Variants in P3R3URF observed in about 807,000 individuals in gnomAD.
P3R3URF encodes the protein P3R3URF protein.
Under a neutral mutation model 8.0 loss-of-function variants are expected in P3R3URF, and 6 were observed. That is an observed-to-expected ratio of 0.75 (90% CI 0.41 to 1.47). The LOEUF (loss-of-function observed/expected upper bound fraction) is 1.47, where lower values mean the gene tolerates loss of function less well. Ranked by LOEUF, P3R3URF falls within the 40% of genes most tolerant of loss-of-function variation. P3R3URF has a pLI of 0.01. For missense variants in P3R3URF, 121 were observed against 117.3 expected, an observed-to-expected ratio of 1.03 and a Z score of -0.14; for synonymous variants, 39 against 36.7, an observed-to-expected ratio of 1.06 and a Z score of -0.23.
At position 46,176,338 on chromosome 1, in the gene P3R3URF, C is replaced by G; in HGVS notation, c.134G>C (p.Gly45Ala). The G allele has an allele frequency of 6.5e-7, 1 of 1,535,774 alleles. No individual in the cohort carries two copies. The highest frequency in any genetic ancestry group is 1.7e-4 in the Middle Eastern group (1 of 5,990). ...ACTGCTGGCAGTTCGACCTCGGAGACCCTGTTGATATCTTCTGCGGCTACA... is the reference window on the plus strand; with the variant it reads ...ACTGCTGGCAGTTCGACCTCGGAGAGCCTGTTGATATCTTCTGCGGCTACA... ...FKCSRRRYQQ[G>A]LRGRTASSAA... Residue 45 changes from glycine (G) to alanine (A), a missense_variant, in exon 1 of 2, where the codon GGT (glycine) becomes GCT (alanine). By Grantham distance (60) the Gly-to-Ala change is moderately conservative. Coordinates refer to ENST00000506599, the MANE Select transcript of P3R3URF (RefSeq NM_001328655.2).
chr1:46,176,067 GGA>G (rs1657141743), intron 1 of P3R3URF, among the ~76,000 whole-genome samples, 159 bp downstream of exon 1: 1 of 152,120 alleles, frequency 6.6e-6, no homozygotes, highest in East Asian at 1.9e-4. Flanking sequence ...AGTAGAGATG[GGA>G]TTTCACCGTG....
Position 46,176,438 on chromosome 1 carries a change from G to A in P3R3URF, c.34C>T (p.Pro12Ser). The A allele has an allele frequency of 2.6e-6, 4 of 1,535,756 alleles. No homozygotes were observed. Among genetic ancestry groups the A allele is most frequent in the Non-Finnish European group, 3.5e-6 (4 of 1,146,910 alleles). Residue 12 changes from proline (P) to serine (S), a missense_variant, in exon 1 of 2, where the codon CCC becomes TCC. Physicochemically the swap from Pro to Ser is moderately conservative, Grantham distance 74. Coordinates refer to ENST00000506599, the MANE Select transcript of P3R3URF (RefSeq NM_001328655.2). The part of the protein sequence containing the change: ...GPSRLVRGPR[P>S]QGMRSPYRRP... The stretch of plus-strand genomic sequence containing the variant: ...CGGTAGGGGGAACGCATGCCCTGGG[G>A]CCGAGGGCCACGGACAAGCCGAGAT...
At position 46,176,241 on chromosome 1, in the gene P3R3URF, G is replaced by T; in HGVS notation, c.231C>A (p.Ile77=). The T allele has an allele frequency of 6.5e-7, 1 of 1,535,734 alleles. No homozygotes were observed. The highest frequency in any genetic ancestry group is 1.2e-5 in the South Asian group (1 of 84,066). Residue 77 remains isoleucine, a synonymous_variant, in exon 1 of 2, where the codon ATC becomes ATA. Coordinates refer to ENST00000506599, the MANE Select transcript of P3R3URF (RefSeq NM_001328655.2). ...NTHTDTTIVW[I]FPPQVLRHLR... ...CCCCTGGCTAACCTTGAGGTGGGAA[G>T]ATCCACACTATGGTGGTGTCAGTGT... is the stretch of plus-strand genomic sequence containing the variant.
chr1:46,176,138 G>C, intron 1 of P3R3URF, 90 bp downstream of exon 1: 1 of 1,444,848 alleles, frequency 6.9e-7, no homozygotes, highest in Non-Finnish European at 9.3e-7. Context: ...GCCTCCCAAA[G>C]TGCCGGGATT....
At chr1:46,176,152 G>A in intron 1 of P3R3URF, 76 bp downstream of exon 1, 2 of 1,498,828 alleles carry the variant, frequency 1.3e-6, no homozygotes, top group African/African-American at 1.4e-5. Context: ...CGGGATTACA[G>A]GCATGAGCCA....
At position 46,176,249 on chromosome 1, in the gene P3R3URF, C is replaced by G. The variant is rs1657154634; in HGVS notation, c.223G>C (p.Val75Leu). The G allele has an allele frequency of 6.5e-7, 1 of 1,535,760 alleles. No individual in the cohort carries two copies. The highest frequency in any genetic ancestry group is 1.2e-5 in the South Asian group (1 of 84,062). ...INNTHTDTTI[V>L]WIFPPQVLRH... ...TAACCTTGAGGTGGGAAGATCCACA[C>G]TATGGTGGTGTCAGTGTGGGTGTTG... The change falls in exon 1 of 2, where the codon GTG (valine) becomes CTG (leucine). Residue 75 changes from valine (V) to leucine (L), a missense_variant. Coordinates refer to ENST00000506599, the MANE Select transcript of P3R3URF (RefSeq NM_001328655.2).
chr1:46,176,404 C>A lies in P3R3URF; in HGVS notation c.68G>T (p.Gly23Val). The A allele has an allele frequency of 6.5e-7, 1 of 1,535,782 alleles. No individual in the cohort carries two copies. Among genetic ancestry groups the A allele is most frequent in the Non-Finnish European group, 8.7e-7 (1 of 1,146,926 alleles). ...AAATCGGGGCCTGGGCCAGCCCATA[C>A]CTGGCCTGCGGTAGGGGGAACGCAT... ...QGMRSPYRRP[G>V]MGWPRPRFPR... Residue 23 changes from glycine to valine, a missense_variant, in exon 1 of 2, where the codon GGT (glycine) becomes GTT (valine). By Grantham distance (109) the Gly-to-Val change is moderately radical (BLOSUM62 -3). Coordinates refer to ENST00000506599, the MANE Select transcript of P3R3URF (RefSeq NM_001328655.2).
At chr1:46,175,894 A>G in intron 1 of P3R3URF, 1 of 353,004 alleles carries the variant, frequency 2.8e-6, no homozygotes, top group Non-Finnish European at 5.0e-6. Context: ...TTTTCTTGAG[A>G]CAGAGTCTAG....
intron 1 of P3R3URF, 37 bp downstream of exon 1, chr1:46,176,191 T>C: frequency 6.5e-7 from 1 of 1,533,148 alleles, no homozygotes; most frequent in Middle Eastern, 1.7e-4. Flanking sequence ...CTCTGTTTTT[T>C]AAAACCCCAC....
Position 46,176,314 on chromosome 1 carries a change from C to A in P3R3URF, c.158G>T (p.Ser53Ile). Residue 53 changes from serine (S) to isoleucine (I), a missense_variant, in exon 1 of 2, where the codon AGT becomes ATT. Transcript: ENST00000506599. ...QQGLRGRTASSAAINPATRAM... is the reference protein window; with the variant it reads ...QQGLRGRTASIAAINPATRAM... ...CCTGGTGGCAGGATTGATGGCTGCA[C>A]TGCTGGCAGTTCGACCTCGGAGACC... 1 of 1,535,798 alleles carries A rather than the reference C, an allele frequency of 6.5e-7. No homozygotes were observed. Among genetic ancestry groups the A allele is most frequent in the South Asian group, 1.2e-5 (1 of 84,068 alleles).
intron 1 of P3R3URF, chr1:46,175,903 A>C (rs550041105): frequency 7.1e-5 from 30 of 422,734 alleles, no homozygotes; most frequent in Middle Eastern, 6.2e-4. Flanking sequence ...GACAGAGTCT[A>C]GCTCTGTCAC....
intron 1 of P3R3URF, 72 bp downstream of exon 1, chr1:46,176,156 T>G (rs541526036): frequency 1.1e-5 from 16 of 1,506,380 alleles, no homozygotes; most frequent in Admixed American, 2.0e-5. Context: ...ATTACAGGCA[T>G]GAGCCACCGC....
rs1232499106 is a variant in P3R3URF, at chr1:46,175,870, TG to T, written c.245-242del. 31 of 404,234 alleles carry T rather than the reference TG, an allele frequency of 7.7e-5. 1 individual carries two copies. Among genetic ancestry groups the T allele is most frequent in the Admixed American group, 3.9e-4 (9 of 23,278 alleles). 25.0% of individuals were successfully genotyped at this position (404,234 alleles called of 1,614,324 possible). ...CAGGTAGGGAAATCTTCACTGGCTC[TG>T]GTTTTTTTTTTTTTTTCTTGAGACA... On this transcript the variant is annotated intron_variant, in intron 1 of 1. Coordinates refer to ENST00000506599, the MANE Select transcript of P3R3URF (RefSeq NM_001328655.2).
intron 1 of P3R3URF, among the ~76,000 whole-genome samples, chr1:46,176,020 G>A (rs888108053): frequency 1.3e-5 from 2 of 152,148 alleles, no homozygotes; most frequent in Non-Finnish European, 2.9e-5. Flanking sequence ...CTAAAGGCGT[G>A]TGCCACCACG....
Position 46,176,416 on chromosome 1 carries a change from T to C in P3R3URF, c.56A>G (p.Tyr19Cys). 4 of 1,535,684 alleles carry C rather than the reference T, an allele frequency of 2.6e-6. No homozygotes were observed. Among genetic ancestry groups the C allele is most frequent in the Admixed American group, 2.0e-5 (1 of 51,006 alleles). ...GPRPQGMRSP[Y>C]RRPGMGWPRP... ...GGGCCAGCCCATACCTGGCCTGCGG[T>C]AGGGGGAACGCATGCCCTGGGGCCG... The change falls in exon 1 of 2, where the codon TAC (tyrosine) becomes TGC (cysteine). Residue 19 changes from tyrosine (Y) to cysteine (C), a missense_variant. Physicochemically the swap from Tyr to Cys is radical, Grantham distance 194 (BLOSUM62 -2). Coordinates refer to ENST00000506599, the MANE Select transcript of P3R3URF (RefSeq NM_001328655.2).
At chr1:46,175,843 A>G (rs1391774686) in intron 1 of P3R3URF, 3 of 440,950 alleles carry the variant, frequency 6.8e-6, no homozygotes, top group Non-Finnish European at 1.2e-5. Flanking sequence ...CCTAAACAGA[A>G]CCAGGTAGGG....
At chr1:46,176,163 C>T in intron 1 of P3R3URF, 65 bp downstream of exon 1, 10 of 1,523,164 alleles carry the variant, frequency 6.6e-6, no homozygotes, top group Non-Finnish European at 8.8e-6. Flanking sequence ...GCATGAGCCA[C>T]CGCACCCAGC....
In P3R3URF at chr1:46,176,332, C is replaced by G; in HGVS notation, c.140G>C (p.Arg47Pro). ...CSRRRYQQGL[R>P]GRTASSAAIN... ...GGCTGCACTGCTGGCAGTTCGACCT[C>G]GGAGACCCTGTTGATATCTTCTGCG... The change falls in exon 1 of 2, where the codon CGA (arginine) becomes CCA (proline). Residue 47 changes from arginine to proline, a missense_variant. By Grantham distance (103) the Arg-to-Pro change is moderately radical. Coordinates refer to ENST00000506599, the MANE Select transcript of P3R3URF (RefSeq NM_001328655.2). The G allele has an allele frequency of 1.3e-6, 2 of 1,535,750 alleles. No homozygotes were observed. Among genetic ancestry groups the G allele is most frequent in the Non-Finnish European group, 1.7e-6 (2 of 1,146,916 alleles).
rs2148130874 is a variant in P3R3URF at position 46,176,343 on chromosome 1, T to C, written c.129A>G (p.Gln43=). ...RMFKCSRRRY[Q]QGLRGRTASS... ...TGGCAGTTCGACCTCGGAGACCCTG[T>C]TGATATCTTCTGCGGCTACACTTGA... Residue 43 remains glutamine, a synonymous_variant, in exon 1 of 2, where the codon CAA becomes CAG. Transcript: ENST00000506599. 1.3e-6 allele frequency: 2 copies of C among 1,535,754 alleles called. No individual in the cohort carries two copies. The highest frequency in any genetic ancestry group is 1.7e-6 in the Non-Finnish European group (2 of 1,146,914).
Sources: allele counts gnomAD v4.1 joint callset (sites outside exome capture counted in the v4.1 genomes callset), GRCh38; gene constraint gnomAD v4.1.1; transcripts MANE v1.5; gene names NCBI Gene and HGNC (gene_info 2026-07-23, HGNC 2026-07-21).